The following EEF1AKMT1 variants were observed in gnomAD, a reference collection of about 807,000 sequenced individuals.
EEF1AKMT1 encodes EEF1A lysine methyltransferase 1.
EEF1AKMT1 carries 18 observed loss-of-function variants against 21.0 expected under a neutral mutation model. The observed-to-expected ratio is 0.86, with a 90% CI of 0.59 to 1.27. The LOEUF (loss-of-function observed/expected upper bound fraction) is 1.27. EEF1AKMT1 is among the 50% of genes most tolerant of loss of function. The pLI, the probability that EEF1AKMT1 is intolerant of heterozygous loss-of-function variation, is 0.00. For missense variants in EEF1AKMT1, 246 were observed against 258.6 expected (o/e 0.95, Z 0.33); for synonymous variants, 109 against 94.8 (o/e 1.15, Z -0.87).
At position 20,737,800 on chromosome 13, in the gene EEF1AKMT1, C is replaced by T. The variant is rs780217440; in HGVS notation, c.150G>A (p.Leu50=). 3.7e-6 allele frequency: 6 copies of T among 1,611,368 alleles called. No homozygotes were observed. In the South Asian group the frequency reaches 6.6e-5, roughly 18 times the overall value. ...NIGIIEENWQ[L]SQFWYSQETA... The stretch of plus-strand genomic sequence containing the variant: ...TTTCCTGACTATACCAAAACTGGCT[C>T]AGTTGCTGTAACCGAGAAATAGGTT... Residue 50 remains leucine (L), a synonymous_variant, in exon 3 of 5, where the codon CTG becomes CTA. Coordinates refer to ENST00000382758, the MANE Select transcript of EEF1AKMT1 (RefSeq NM_001318939.2).
intron 3 of EEF1AKMT1, among the ~76,000 whole-genome samples, chr13:20,734,775 A>C (rs969087036): frequency 3.9e-5 from 6 of 152,088 alleles, no homozygotes; most frequent in African/African-American, 7.2e-5. Context: ...TGACTTTCAA[A>C]GGAGGTTAAA....
At chr13:20,772,145 CTG>C (rs1595034618) in intron 1 of EEF1AKMT1, among the ~76,000 whole-genome samples, 1 of 151,794 alleles carries the variant, frequency 6.6e-6, no homozygotes, top group African/African-American at 2.4e-5. Context: ...CTGGGAAGTA[CTG>C]TGTTATATTA....
At chr13:20,752,444 A>G (rs929113592) in intron 2 of EEF1AKMT1, among the ~76,000 whole-genome samples, 3 of 152,082 alleles carry the variant, frequency 2.0e-5, no homozygotes, top group Non-Finnish European at 4.4e-5. Flanking sequence ...GTGGTGTATT[A>G]TGTTTGTTGA....
chr13:20,763,451 A>AT (rs1175028038), intron 1 of EEF1AKMT1, among the ~76,000 whole-genome samples: 10 of 150,104 alleles, frequency 6.7e-5, no homozygotes, highest in Non-Finnish European at 1.3e-4. Context: ...AAGGCCCGAA[A>AT]TTTTTGTTTT....
chr13:20,752,643 G>T lies in EEF1AKMT1; in HGVS notation c.144+4812C>A, dbSNP rs910545789. On this transcript the variant is annotated intron_variant, in intron 2 of 4. Coordinates refer to ENST00000382758, the MANE Select transcript of EEF1AKMT1 (RefSeq NM_001318939.2). ...CATTATTGTCTGGTTTTGGTGTCAGGATAATGCTGGCCTCATAGAATGAAT... is the reference window on the plus strand; with the variant it reads ...CATTATTGTCTGGTTTTGGTGTCAGTATAATGCTGGCCTCATAGAATGAAT... Among the ~76,000 whole-genome samples the T allele has an allele frequency of 2.0e-5, 3 of 152,010 alleles. No individual in the cohort carries two copies. The East Asian group carries it at 5.8e-4, about 29-fold the overall frequency.
intron 2 of EEF1AKMT1, chr13:20,747,365 T>C (rs1180064643): frequency 1.3e-5 from 3 of 234,920 alleles, no homozygotes; most frequent in African/African-American, 4.6e-5. Context: ...GGATTTTGCC[T>C]TCACTTTCCT....
chr13:20,738,377 A>C (rs1163150070), intron 2 of EEF1AKMT1, among the ~76,000 whole-genome samples: 2 of 152,184 alleles, frequency 1.3e-5, no homozygotes, highest in African/African-American at 4.8e-5. Flanking sequence ...TTTTTAAAAA[A>C]TTTCTAGTGA....
rs765170995 is a variant in EEF1AKMT1 at position 20,757,579 on chromosome 13, T to A, written c.20A>T (p.Asp7Val). Residue 7 changes from aspartate (D) to valine (V), a missense_variant, in exon 2 of 5, where the codon GAT (aspartate) becomes GTT (valine). Physicochemically the swap from Asp to Val is radical, Grantham distance 152. Coordinates refer to ENST00000382758, the MANE Select transcript of EEF1AKMT1 (RefSeq NM_001318939.2). ...ATGGGCAGAAAGCTGGGGTGTCTCATCATCTTCCAAATCACTCATTTCACA... is the reference window on the plus strand; with the variant it reads ...ATGGGCAGAAAGCTGGGGTGTCTCAACATCTTCCAAATCACTCATTTCACA... MSDLED[D>V]ETPQLSAHAL... is the part of the protein sequence containing the mutation. 3 of 1,613,996 alleles carry A rather than the reference T, an allele frequency of 1.9e-6. No homozygotes were observed. Among genetic ancestry groups the A allele is most frequent in the East Asian group, 4.5e-5 (2 of 44,886 alleles).
At chr13:20,745,291 A>G (rs558185891) in intron 2 of EEF1AKMT1, among the ~76,000 whole-genome samples, 1 of 152,324 alleles carries the variant, frequency 6.6e-6, no homozygotes, top group East Asian at 1.9e-4. Flanking sequence ...CATTTTCAAA[A>G]TATTGATTCT....
At chr13:20,757,229 C>G (rs912910377) in intron 2 of EEF1AKMT1, 4 of 389,562 alleles carry the variant, frequency 1.0e-5, no homozygotes, top group Non-Finnish European at 1.8e-5. Context: ...TGATCACCAA[C>G]CAGCCTGATA....
intron 1 of EEF1AKMT1, among the ~76,000 whole-genome samples, chr13:20,767,305 CAAAAAAAAA>C (rs61703956): frequency 2.5e-4 from 10 of 40,348 alleles, no homozygotes; most frequent in South Asian, 1.2e-3. Flanking sequence ...GATTCTGTCT[CAAAAAAAAA>C]AAAAAAAAAA....
chr13:20,748,715 G>GGTTTTTTGTTTTT (rs1555326495), intron 2 of EEF1AKMT1, among the ~76,000 whole-genome samples: 1 of 105,810 alleles, frequency 9.5e-6, no homozygotes, highest in African/African-American at 3.7e-5. Flanking sequence ...ATGTATAGTT[G>GGTTTTTTGTTTTT]TTTTTTTTTG....
chr13:20,737,754 C>T lies in EEF1AKMT1; in HGVS notation c.196G>A (p.Glu66Lys). Reference sequence around the variant, plus strand: ...CCTTCTCCTACAGCTGCAATTGCCTCCTGTGCCAGCTGCAGAGCAGTTTCC... The same window carrying T: ...CCTTCTCCTACAGCTGCAATTGCCTTCTGTGCCAGCTGCAGAGCAGTTTCC... Reference protein sequence around the residue: ...SQETALQLAQEAIAAVGEGGR... With the variant: ...SQETALQLAQKAIAAVGEGGR... Residue 66 changes from glutamate (E) to lysine (K), a missense_variant, in exon 3 of 5, where the codon GAG (glutamate) becomes AAG (lysine). Transcript: ENST00000382758. 6.2e-7 allele frequency: 1 copy of T among 1,613,072 alleles called. No homozygotes were observed. The highest frequency in any genetic ancestry group is 8.5e-7 in the Non-Finnish European group (1 of 1,179,594).
At chr13:20,770,195 A>C (rs925252126) in intron 1 of EEF1AKMT1, among the ~76,000 whole-genome samples, 1 of 152,158 alleles carries the variant, frequency 6.6e-6, no homozygotes, top group Non-Finnish European at 1.5e-5. Flanking sequence ...GCTACGTGAA[A>C]TAAGCCAGTC....
intron 1 of EEF1AKMT1, among the ~76,000 whole-genome samples, chr13:20,768,064 A>G (rs531690991): frequency 6.6e-6 from 1 of 151,980 alleles, no homozygotes; most frequent in Admixed American, 6.5e-5. Flanking sequence ...TTATTTTAGC[A>G]TCCTTGTCCA....
At chr13:20,749,261 C>T (rs2058928170) in intron 2 of EEF1AKMT1, among the ~76,000 whole-genome samples, 1 of 152,056 alleles carries the variant, frequency 6.6e-6, no homozygotes, top group South Asian at 2.1e-4. Flanking sequence ...ATTGGATATC[C>T]TATCACTTTT....
chr13:20,737,890 C>G, intron 2 of EEF1AKMT1, 85 bp from the exon 3 acceptor site: 3 of 869,248 alleles, frequency 3.5e-6, no homozygotes, highest in Non-Finnish European at 5.3e-6. Context: ...TACCAGTGGA[C>G]AGATATTTTG....
At chr13:20,745,389 G>A (rs117872560) in intron 2 of EEF1AKMT1, among the ~76,000 whole-genome samples, 3,261 of 152,102 alleles carry the variant, frequency 0.021, 58 homozygotes, top group Non-Finnish European at 0.034. Context: ...CCTTGAAGAG[G>A]GTCCTTCACG....
At chr13:20,731,767 G>C in intron 4 of EEF1AKMT1, 74 bp downstream of exon 4, 1 of 1,482,692 alleles carries the variant, frequency 6.7e-7, no homozygotes, top group Non-Finnish European at 9.1e-7. Flanking sequence ...GTGGACTCAG[G>C]ATTTTTTCTT....
Sources: allele counts gnomAD v4.1 joint callset (sites outside exome capture counted in the v4.1 genomes callset), GRCh38; gene constraint gnomAD v4.1.1; transcripts MANE v1.5; gene names NCBI Gene and HGNC (gene_info 2026-07-23, HGNC 2026-07-21).